ROBO1: variants seen among roughly 807,000 people sequenced by gnomAD.
The protein encoded by ROBO1 is roundabout homolog 1.
ROBO1 carries 149 observed loss-of-function variants against 195.9 expected under a neutral mutation model. That is an observed-to-expected ratio of 0.76 (90% CI 0.67 to 0.87). The LOEUF (loss-of-function observed/expected upper bound fraction) is 0.87. Ranked by LOEUF, ROBO1 falls within the 40% of genes least tolerant of loss-of-function variation. The pLI, the probability that ROBO1 is intolerant of heterozygous loss-of-function variation, is 0.00. For synonymous variants in ROBO1, 816 were observed against 733.2 expected (o/e 1.11, Z -1.82); for missense variants, 1,933 against 2,068.3 (o/e 0.93, Z 1.27).
chr3:78,736,957 C>A (rs1008397143), intron 5 of ROBO1, among the ~76,000 whole-genome samples: 14 of 152,030 alleles, frequency 9.2e-5, no homozygotes, highest in South Asian at 2.1e-4. Flanking sequence ...TCTCAATTCC[C>A]CTAAGGATAA....
intron 2 of ROBO1, among the ~76,000 whole-genome samples, chr3:79,287,899 A>AT (rs1006107267): frequency 1.3e-5 from 2 of 152,012 alleles, no homozygotes; most frequent in Non-Finnish European, 2.9e-5. Flanking sequence ...ATGTAGTCAT[A>AT]TTTTTTACAT....
At chr3:78,902,366 T>C (rs1419977039) in intron 4 of ROBO1, among the ~76,000 whole-genome samples, 1 of 152,150 alleles carries the variant, frequency 6.6e-6, no homozygotes, top group Non-Finnish European at 1.5e-5. Context: ...AATTTCTTTC[T>C]TGACTTGCAA....
chr3:79,243,859 C>A (rs1386134226), intron 2 of ROBO1, among the ~76,000 whole-genome samples: 1 of 152,076 alleles, frequency 6.6e-6, no homozygotes, highest in African/African-American at 2.4e-5. Flanking sequence ...TCAATTTTGG[C>A]TTTTGTTGCC....
intron 2 of ROBO1, among the ~76,000 whole-genome samples, chr3:79,463,767 A>G (rs923449997): frequency 1.3e-5 from 2 of 152,204 alleles, no homozygotes; most frequent in African/African-American, 2.4e-5. Context: ...TTTTACAACT[A>G]AAATGTTTTA....
At chr3:79,467,547 T>C (rs1384406799) in intron 2 of ROBO1, among the ~76,000 whole-genome samples, 1 of 151,824 alleles carries the variant, frequency 6.6e-6, no homozygotes, top group Non-Finnish European at 1.5e-5. Context: ...GTCAAGAAGA[T>C]GGTTGGAGAG....
chr3:78,829,734 G>A (rs765855384), intron 4 of ROBO1, among the ~76,000 whole-genome samples: 7 of 152,164 alleles, frequency 4.6e-5, no homozygotes, highest in Non-Finnish European at 8.8e-5. Flanking sequence ...TAAGAAAAGC[G>A]TTGTAGATAA....
At position 78,998,148 on chromosome 3, in the gene ROBO1, C is replaced by T. The variant is rs183170196; in HGVS notation, c.173-59221G>A. 3.1e-3 allele frequency among the ~76,000 whole-genome samples: 479 copies of T among 152,194 alleles called. 6 individuals carry two copies. The highest frequency in any genetic ancestry group is 2.6e-3 in the Non-Finnish European group (176 of 68,006). On this transcript the variant is annotated intron_variant, in intron 3 of 30. Coordinates refer to ENST00000464233, the MANE Select transcript of ROBO1 (RefSeq NM_002941.4). ...AAATCAATAGTGTATATTGCAATTG[C>T]GACGTACTTATCAAAGAGTAAACTT...
At chr3:78,766,117 TG>T (rs1559831968) in intron 4 of ROBO1, among the ~76,000 whole-genome samples, 1 of 152,192 alleles carries the variant, frequency 6.6e-6, no homozygotes, top group African/African-American at 2.4e-5. Context: ...TTGATTAAAA[TG>T]CCGGCCTGAA....
Position 79,642,743 on chromosome 3 carries a change from G to A in ROBO1, c.-50-52782C>T, listed in dbSNP as rs1036750294. ...GAGAGAATTCACTGCCACTATACCT[G>A]CATTACAAAATTGGCTAAAAGCAGT... On this transcript the variant is annotated intron_variant, in intron 1 of 30. Transcript: ENST00000464233. Among the ~76,000 whole-genome samples, 23 of 152,052 alleles carry A rather than the reference G, an allele frequency of 1.5e-4. 1 individual carries two copies. The highest frequency in any genetic ancestry group is 5.1e-4 in the African/African-American group (21 of 41,406).
chr3:79,052,779 G>A lies in ROBO1; in HGVS notation c.172+72677C>T, dbSNP rs574681844. 3.3e-5 allele frequency among the ~76,000 whole-genome samples: 5 copies of A among 152,172 alleles called. No homozygotes were observed. In the South Asian group the frequency reaches 8.3e-4, roughly 25 times the overall value. On this transcript the variant is annotated intron_variant, in intron 3 of 30. Coordinates refer to ENST00000464233, the MANE Select transcript of ROBO1 (RefSeq NM_002941.4). ...CCACATGGTCTTTCTTTTTTCCCAAGTGCATGTGGGAACCCAATTCCCTTT... is the reference window on the plus strand; with the variant it reads ...CCACATGGTCTTTCTTTTTTCCCAAATGCATGTGGGAACCCAATTCCCTTT...
At position 78,701,043 on chromosome 3, in the gene ROBO1, C is replaced by T. The variant is rs891882678; in HGVS notation, c.1046-12271G>A. Among the ~76,000 whole-genome samples the T allele has an allele frequency of 3.3e-5, 5 of 152,150 alleles. No homozygotes were observed. In the South Asian group the frequency reaches 8.3e-4, roughly 25 times the overall value. ...CCTCCCAAAGCACTGGGATTACAGG[C>T]GTGAGCCACCATGCCCGGCCTCTCC... On this transcript the variant is annotated intron_variant, in intron 8 of 30. Coordinates refer to ENST00000464233, the MANE Select transcript of ROBO1 (RefSeq NM_002941.4).
intron 4 of ROBO1, among the ~76,000 whole-genome samples, chr3:78,931,625 T>C (rs1238822076): frequency 6.6e-6 from 1 of 152,156 alleles, no homozygotes; most frequent in Non-Finnish European, 1.5e-5. Flanking sequence ...TTAACCATGT[T>C]TTATTCTAAC....
At chr3:78,619,002 T>C (rs1480456404) in intron 26 of ROBO1, among the ~76,000 whole-genome samples, 1 of 152,024 alleles carries the variant, frequency 6.6e-6, no homozygotes, top group Non-Finnish European at 1.5e-5. Flanking sequence ...GTCATCCCCA[T>C]GGGAGGAGAA....
chr3:79,062,399 G>A (rs1202874157), intron 3 of ROBO1, among the ~76,000 whole-genome samples: 1 of 152,132 alleles, frequency 6.6e-6, no homozygotes, highest in African/African-American at 2.4e-5. Flanking sequence ...CACCTTTGGT[G>A]GGAGTGTAAA....
At chr3:79,320,403 G>A (rs898796874) in intron 2 of ROBO1, among the ~76,000 whole-genome samples, 7 of 152,186 alleles carry the variant, frequency 4.6e-5, no homozygotes, top group Middle Eastern at 3.4e-3. Context: ...ATCACAGCTC[G>A]CTGCAGCCTT....
At chr3:78,622,205 C>T (rs924983746) in intron 26 of ROBO1, among the ~76,000 whole-genome samples, 1 of 151,906 alleles carries the variant, frequency 6.6e-6, no homozygotes, top group Admixed American at 6.6e-5. Flanking sequence ...AAATGGAATA[C>T]CCTAGAAGTT....
chr3:78,811,723 T>C (rs1388781675), intron 4 of ROBO1, among the ~76,000 whole-genome samples: 1 of 152,158 alleles, frequency 6.6e-6, no homozygotes, highest in Non-Finnish European at 1.5e-5. Flanking sequence ...AATTTGGAAC[T>C]AGTATACTGT....
intron 2 of ROBO1, among the ~76,000 whole-genome samples, chr3:79,248,367 G>T (rs1230311895): frequency 1.2e-4 from 6 of 51,582 alleles, no homozygotes; most frequent in East Asian, 6.4e-4. Context: ...TAGATGGGAA[G>T]ACAGACCAAA....
At chr3:79,387,291 C>A (rs576404187) in intron 2 of ROBO1, among the ~76,000 whole-genome samples, 39 of 151,944 alleles carry the variant, frequency 2.6e-4, no homozygotes, top group Admixed American at 1.0e-3. Flanking sequence ...GTAGCAGTAA[C>A]TATTATTAGT....
Sources: allele counts gnomAD v4.1 joint callset (sites outside exome capture counted in the v4.1 genomes callset), GRCh38; gene constraint gnomAD v4.1.1; transcripts MANE v1.5; gene names NCBI Gene and HGNC (gene_info 2026-07-23, HGNC 2026-07-21).